The following CFAP263 variants were observed in gnomAD, a reference collection of about 807,000 sequenced individuals.
The protein encoded by CFAP263 is cilia and flagella associated protein 263, also known as cilia- and flagella-associated protein 263.
the CFAP263 span, among the ~76,000 whole-genome samples, chr16:58,266,024 G>A: frequency 6.6e-6 from 1 of 152,174 alleles, no homozygotes; most frequent in African/African-American, 2.4e-5. Flanking sequence ...CCCCATCAGT[G>A]TGGTCTCATT....
the CFAP263 span, among the ~76,000 whole-genome samples, chr16:58,263,300 C>CA: frequency 6.6e-6 from 1 of 152,254 alleles, no homozygotes; most frequent in African/African-American, 2.4e-5. Context: ...CCAAATGAAG[C>CA]AAAATTGGTT....
chr16:58,280,519 T>A, the CFAP263 span: 1 of 1,614,182 alleles, frequency 6.2e-7, no homozygotes, highest in Non-Finnish European at 8.5e-7. Context: ...ATATGTCTTC[T>A]GTGTCATGGT....
At chr16:58,269,807 G>A in the CFAP263 span, among the ~76,000 whole-genome samples, 1 of 152,122 alleles carries the variant, frequency 6.6e-6, no homozygotes, top group Non-Finnish European at 1.5e-5. Flanking sequence ...TTTTTCTGTG[G>A]ATACATGTTT....
At chr16:58,249,994 A>C in the CFAP263 span, 4 of 1,527,436 alleles carry the variant, frequency 2.6e-6, no homozygotes, top group Non-Finnish European at 3.6e-6. Context: ...CGGCATTGGC[A>C]GGGGCCGCTT....
chr16:58,266,405 ATTTTTTTTTTTTT>A, the CFAP263 span, among the ~76,000 whole-genome samples: 61 of 31,432 alleles, frequency 1.9e-3, 2 homozygotes, highest in Middle Eastern at 0.091. Context: ...ATATATATAT[ATTTTTTTTTTTTT>A]TTTTTTTTTT....
the CFAP263 span, chr16:58,258,607 T>C: frequency 1.6e-6 from 2 of 1,288,042 alleles, no homozygotes; most frequent in Non-Finnish European, 2.2e-6. Flanking sequence ...GCAGCCTAGC[T>C]CCCTTTGGTC....
the CFAP263 span, chr16:58,280,236 G>A: frequency 6.2e-7 from 1 of 1,611,190 alleles, no homozygotes; most frequent in Non-Finnish European, 8.5e-7. Context: ...AGATACTGCT[G>A]CAAAAGAAAA....
At chr16:58,275,863 T>C in the CFAP263 span, among the ~76,000 whole-genome samples, 2 of 152,174 alleles carry the variant, frequency 1.3e-5, no homozygotes, top group Admixed American at 6.5e-5. Context: ...ATGTAAGTAA[T>C]AAAACCATTA....
the CFAP263 span, chr16:58,281,473 T>C: frequency 6.6e-6 from 1 of 152,522 alleles, no homozygotes; most frequent in Non-Finnish European, 1.5e-5. Context: ...CCAGCATTTT[T>C]CTGAAAAGTT....
the CFAP263 span, chr16:58,279,682 T>C: frequency 1.9e-6 from 3 of 1,579,206 alleles, no homozygotes; most frequent in Non-Finnish European, 1.7e-6. Flanking sequence ...TTCTTTTTTT[T>C]TTTTGCAGAT....
At chr16:58,258,084 G>A in the CFAP263 span, among the ~76,000 whole-genome samples, 2 of 149,062 alleles carry the variant, frequency 1.3e-5, no homozygotes, top group East Asian at 3.9e-4. Flanking sequence ...CTCCAGCCTG[G>A]GCAATAGAGC....
the CFAP263 span, among the ~76,000 whole-genome samples, chr16:58,253,658 C>G: frequency 6.6e-6 from 1 of 152,204 alleles, no homozygotes; most frequent in Non-Finnish European, 1.5e-5. Flanking sequence ...TTCCTGTGTT[C>G]AGCTCAGGAA....
At chr16:58,262,763 GTAGATAGATAGA>G in the CFAP263 span, among the ~76,000 whole-genome samples, 762 of 78,504 alleles carry the variant, frequency 9.7e-3, 9 homozygotes, top group East Asian at 0.08. Flanking sequence ...TAGATGATAG[GTAGATAGATAGA>G]TAGATAGATA....
the CFAP263 span, chr16:58,262,459 G>A: frequency 1.2e-6 from 2 of 1,613,744 alleles, no homozygotes; most frequent in Non-Finnish European, 1.7e-6. Flanking sequence ...AATTTCTTGA[G>A]ACAATTGAAG....
the CFAP263 span, among the ~76,000 whole-genome samples, chr16:58,270,384 C>T: frequency 6.6e-6 from 1 of 151,934 alleles, no homozygotes; most frequent in African/African-American, 2.4e-5. Context: ...ATTTATCGAA[C>T]ACTGTACTGA....
chr16:58,263,565 A>G, the CFAP263 span, among the ~76,000 whole-genome samples: 1 of 151,604 alleles, frequency 6.6e-6, no homozygotes, highest in African/African-American at 2.4e-5. Flanking sequence ...GGGCTTAGGT[A>G]GCTCGCAGGT....
chr16:58,252,877 T>C, the CFAP263 span: 6 of 1,611,612 alleles, frequency 3.7e-6, no homozygotes, highest in Non-Finnish European at 5.1e-6. Flanking sequence ...ATCTAGATCA[T>C]TCTTTTATTG....
At chr16:58,268,851 A>G in the CFAP263 span, among the ~76,000 whole-genome samples, 1 of 152,158 alleles carries the variant, frequency 6.6e-6, no homozygotes, top group Non-Finnish European at 1.5e-5. Context: ...ATTGCTTAGT[A>G]TATTTTAGTT....
the CFAP263 span, among the ~76,000 whole-genome samples, chr16:58,270,976 C>A: frequency 6.6e-6 from 1 of 152,082 alleles, no homozygotes; most frequent in African/African-American, 2.4e-5. Flanking sequence ...AAATGCACTC[C>A]ATGTTTATAT....
Sources: allele counts gnomAD v4.1 joint callset (sites outside exome capture counted in the v4.1 genomes callset), GRCh38; gene constraint gnomAD v4.1.1; transcripts MANE v1.5; gene names NCBI Gene and HGNC (gene_info 2026-07-23, HGNC 2026-07-21).